The following FNDC1 variants were observed in gnomAD, a reference collection of about 807,000 sequenced individuals.
FNDC1 encodes the protein fibronectin type III domain-containing protein 1.
FNDC1 carries 96 observed loss-of-function variants against 168.0 expected under a neutral mutation model. That is an observed-to-expected ratio of 0.57 (90% confidence interval 0.48 to 0.68). The LOEUF is 0.68. Among genes scored for constraint, FNDC1 ranks in the 30% least tolerant of loss-of-function variants. The pLI is 0.00. For synonymous variants in FNDC1, 1,099 were observed against 1,025.9 expected, an observed-to-expected ratio of 1.07 and a Z score of -1.36; for missense variants, 2,587 against 2,482.1, an observed-to-expected ratio of 1.04 and a Z score of -0.90.
intron 11 of FNDC1, among the ~76,000 whole-genome samples, chr6:159,235,762 C>A (rs759334273): frequency 3.3e-5 from 5 of 152,148 alleles, no homozygotes; most frequent in African/African-American, 1.2e-4. Context: ...TTATACTCGG[C>A]GATTGGTGAT....
intron 14 of FNDC1, among the ~76,000 whole-genome samples, chr6:159,244,880 G>A (rs898519627): frequency 2.8e-4 from 43 of 152,216 alleles, no homozygotes; most frequent in Admixed American, 1.8e-3. Context: ...GTATTAGTCC[G>A]TTTTCATACT....
intron 10 of FNDC1, among the ~76,000 whole-genome samples, chr6:159,231,001 A>G (rs1724200644): frequency 1.3e-5 from 2 of 152,148 alleles, no homozygotes; most frequent in Non-Finnish European, 2.9e-5. Flanking sequence ...TGTGTCCACT[A>G]TTAATGGAAT....
chr6:159,232,734 C>T lies in FNDC1; in HGVS notation c.2222C>T (p.Ser741Phe). ...PTQPHLSSPL[S>F]KGGKDGEDAP... is the part of the protein sequence containing the mutation. Reference sequence around the variant, plus strand: ...CAGCCACACCTGAGCTCTCCACTTTCCAAGGGCGGGAAGGATGGTGAGGAC... The same window carrying T: ...CAGCCACACCTGAGCTCTCCACTTTTCAAGGGCGGGAAGGATGGTGAGGAC... The change falls in exon 11 of 23, where the codon TCC (serine) becomes TTC (phenylalanine). Residue 741 changes from serine to phenylalanine, a missense_variant. Ser to Phe is a radical substitution (Grantham distance 155). Coordinates refer to ENST00000297267, the MANE Select transcript of FNDC1 (RefSeq NM_032532.3). The surrounding 1 kb of genome is among the most constrained non-coding windows in gnomAD (Gnocchi z 4.9). 1 of 1,613,972 alleles carries T rather than the reference C, an allele frequency of 6.2e-7. No individual in the cohort carries two copies. Among genetic ancestry groups the T allele is most frequent in the Non-Finnish European group, 8.5e-7 (1 of 1,179,890 alleles).
chr6:159,186,630 T>C (rs1782006038), intron 1 of FNDC1, among the ~76,000 whole-genome samples: 1 of 152,252 alleles, frequency 6.6e-6, no homozygotes, highest in African/African-American at 2.4e-5. Context: ...CAGGGGTCTC[T>C]GGCACAGGAT....
At chr6:159,248,921 G>GTGTCTGTC in intron 15 of FNDC1, 118 bp from the exon 16 acceptor site, 37 of 507,842 alleles carry the variant, frequency 7.3e-5, no homozygotes, top group South Asian at 3.0e-4. Flanking sequence ...GTGTGTGTGT[G>GTGTCTGTC]TGTCTGTCTG....
intron 1 of FNDC1, among the ~76,000 whole-genome samples, chr6:159,172,233 G>A (rs1371551325): frequency 1.3e-5 from 2 of 152,220 alleles, no homozygotes; most frequent in Admixed American, 1.3e-4. Flanking sequence ...GGGAAGCACT[G>A]GTGTGATTGT....
chr6:159,184,486 T>C (rs1274157764), intron 1 of FNDC1, among the ~76,000 whole-genome samples: 2 of 152,208 alleles, frequency 1.3e-5, no homozygotes. Context: ...TGAAATGTTT[T>C]AAAAATGGCT....
rs1783149943 is a variant in FNDC1, at chr6:159,233,393, G to A, written c.2881G>A (p.Glu961Lys). 6.2e-7 allele frequency: 1 copy of A among 1,613,370 alleles called. No homozygotes were observed. The highest frequency in any genetic ancestry group is 8.5e-7 in the Non-Finnish European group (1 of 1,179,796). The change falls in exon 11 of 23, where the codon GAG (glutamate) becomes AAG (lysine). Residue 961 changes from glutamate to lysine, a missense_variant. Coordinates refer to ENST00000297267, the MANE Select transcript of FNDC1 (RefSeq NM_032532.3). The surrounding 1 kb of genome is among the most constrained non-coding windows in gnomAD (Gnocchi z 4.6). ...DVQQSTDADT[E>K]GHSPKAQPGS... ...TCAACAGAGCACAGACGCGGACACGGAGGGTCATTCTCCCAAAGCACAGCC... is the reference window on the plus strand; with the variant it reads ...TCAACAGAGCACAGACGCGGACACGAAGGGTCATTCTCCCAAAGCACAGCC...
intron 8 of FNDC1, 130 bp from the exon 9 acceptor site, chr6:159,226,343 T>C (rs1782954484): frequency 1.8e-5 from 12 of 652,166 alleles, no homozygotes; most frequent in African/African-American, 3.7e-5. Context: ...GAATTTTCTG[T>C]CAGGTATAAT....
chr6:159,246,937 C>T lies in FNDC1; in HGVS notation c.4658C>T (p.Pro1553Leu), dbSNP rs1236100358. Residue 1553 changes from proline to leucine, a missense_variant, in exon 15 of 23, where the codon CCT (proline) becomes CTT (leucine). Coordinates refer to ENST00000297267, the MANE Select transcript of FNDC1 (RefSeq NM_032532.3). ...FSGLETDTAV[P>L]TEEAYVIYDE... ...GGCTTGGAGACTGACACTGCAGTAC[C>T]TACGGAAGAGGCCTACGTTATATAT... The T allele has an allele frequency of 6.2e-7, 1 of 1,612,902 alleles. No homozygotes were observed. The highest frequency in any genetic ancestry group is 1.3e-5 in the African/African-American group (1 of 74,902).
rs770585997 is a variant in FNDC1, at chr6:159,232,247, C to T, written c.1735C>T (p.Pro579Ser). The change falls in exon 11 of 23, where the codon CCC becomes TCC. Residue 579 changes from proline to serine, a missense_variant. Coordinates refer to ENST00000297267, the MANE Select transcript of FNDC1 (RefSeq NM_032532.3). This position sits in a 1 kb window ranked among gnomAD's most constrained non-coding sequence, Gnocchi z 4.9. ...PSRHGHSVVAPGRTAVRARMP... is the reference protein window; with the variant it reads ...PSRHGHSVVASGRTAVRARMP... The stretch of plus-strand genomic sequence containing the variant: ...TAGACACGGCCACTCGGTGGTTGCT[C>T]CCGGCAGGACTGCAGTGAGGGCCCG... The T allele has an allele frequency of 8.1e-6, 13 of 1,611,112 alleles. No individual in the cohort carries two copies. In the African/African-American group the frequency reaches 1.3e-4, roughly 17 times the overall value.
chr6:159,263,886 T>C (rs1221224201), intron 19 of FNDC1, among the ~76,000 whole-genome samples: 1 of 151,608 alleles, frequency 6.6e-6, no homozygotes, highest in Non-Finnish European at 1.5e-5. Context: ...ACCTAGGAGG[T>C]GGAGGTTGCA....
In FNDC1 at chr6:159,232,924, G is replaced by A. The variant is rs905549246; in HGVS notation, c.2412G>A (p.Thr804=). 1.2e-6 allele frequency: 2 copies of A among 1,611,324 alleles called. No homozygotes were observed. Among genetic ancestry groups the A allele is most frequent in the Non-Finnish European group, 1.7e-6 (2 of 1,179,626 alleles). The stretch of plus-strand genomic sequence containing the variant: ...ACGGCGGAAGGCAGGCGGAGGCCAC[G>A]GCCCAGACGCTGCGGGCCCGGCCTG... The part of the protein sequence containing the change: ...REDGGRQAEA[T]AQTLRARPAS... Residue 804 remains threonine, a synonymous_variant, in exon 11 of 23, where the codon ACG becomes ACA. Transcript: ENST00000297267. The surrounding 1 kb of genome is among the most constrained non-coding windows in gnomAD (Gnocchi z 4.9).
chr6:159,176,084 G>A (rs1562625241), intron 1 of FNDC1, among the ~76,000 whole-genome samples: 1 of 152,166 alleles, frequency 6.6e-6, no homozygotes, highest in Admixed American at 6.5e-5. Context: ...ACTGTTTTAT[G>A]GTGTCACGTC....
intron 4 of FNDC1, 51 bp downstream of exon 4, chr6:159,200,632 T>C: frequency 2.1e-6 from 3 of 1,433,154 alleles, no homozygotes; most frequent in Non-Finnish European, 2.9e-6. Context: ...AAGCATCGTC[T>C]CGCAAGAGAG....
chr6:159,195,515 A>G (rs909553584), intron 1 of FNDC1, among the ~76,000 whole-genome samples: 1 of 152,150 alleles, frequency 6.6e-6, no homozygotes, highest in African/African-American at 2.4e-5. Flanking sequence ...ATAAGAGACC[A>G]ATTCCGAGGG....
At chr6:159,175,666 G>A (rs61387368) in intron 1 of FNDC1, among the ~76,000 whole-genome samples, 9,705 of 152,286 alleles carry the variant, frequency 0.064, 1,005 homozygotes, top group African/African-American at 0.22. Context: ...GCCTGTGGAT[G>A]TGAGCAGGGT....
At chr6:159,257,370 A>G (rs1242832735) in intron 18 of FNDC1, among the ~76,000 whole-genome samples, 1 of 152,210 alleles carries the variant, frequency 6.6e-6, no homozygotes, top group Non-Finnish European at 1.5e-5. Context: ...GCCAATTTCT[A>G]TGGTGTAAAT....
chr6:159,215,312 T>C (rs1227544542), intron 5 of FNDC1, among the ~76,000 whole-genome samples, 161 bp downstream of exon 5: 1 of 152,260 alleles, frequency 6.6e-6, no homozygotes, highest in Non-Finnish European at 1.5e-5. Flanking sequence ...ATGTCCATCC[T>C]GGACGCCATC....
Sources: allele counts gnomAD v4.1 joint callset (sites outside exome capture counted in the v4.1 genomes callset), GRCh38; gene constraint gnomAD v4.1.1; non-coding constraint Gnocchi (gnomAD v3.1); transcripts MANE v1.5; gene names NCBI Gene and HGNC (gene_info 2026-07-23, HGNC 2026-07-21).